Variants in RABGEF1 observed in about 807,000 individuals in gnomAD.
RABGEF1 encodes the protein rab5 GDP/GTP exchange factor.
A neutral mutation model predicts 57.3 loss-of-function variants in RABGEF1; 26 were observed. The ratio of observed to expected loss-of-function variants is 0.45; its 90% confidence interval spans 0.33 to 0.63. RABGEF1 has a LOEUF of 0.63. Among genes scored for constraint, RABGEF1 ranks in the 20% least tolerant of loss-of-function variants. RABGEF1 has a pLI of 0.02. For synonymous variants in RABGEF1, 185 were observed against 210.7 expected (o/e 0.88, Z 1.06); for missense variants, 464 against 607.6 (o/e 0.76, Z 2.48).
At chr7:66,746,790 AT>A (rs35168631) in intron 1 of RABGEF1, among the ~76,000 whole-genome samples, 25 of 145,332 alleles carry the variant, frequency 1.7e-4, no homozygotes, top group Non-Finnish European at 1.2e-4. Context: ...CGTCCGGCTA[AT>A]TTTTTTTTTT....
chr7:66,763,482 A>T (rs962855627), intron 1 of RABGEF1, among the ~76,000 whole-genome samples: 3 of 152,194 alleles, frequency 2.0e-5, no homozygotes, highest in African/African-American at 7.2e-5. Context: ...ACTCTCTCTA[A>T]CTTCACATTC....
At chr7:66,675,281 T>C in the RABGEF1 span, among the ~76,000 whole-genome samples, 1 of 152,018 alleles carries the variant, frequency 6.6e-6, no homozygotes, top group Non-Finnish European at 1.5e-5. Flanking sequence ...AATACAAAAA[T>C]TAGCCAGGCG....
chr7:66,789,822 C>T (rs1227487485), intron 4 of RABGEF1, among the ~76,000 whole-genome samples: 1 of 151,860 alleles, frequency 6.6e-6, no homozygotes, highest in Non-Finnish European at 1.5e-5. Flanking sequence ...GCCGTGGTGG[C>T]TCCATGCGTG....
chr7:66,807,007 TTC>T, intron 8 of RABGEF1, among the ~76,000 whole-genome samples: 1 of 151,914 alleles, frequency 6.6e-6, no homozygotes, highest in East Asian at 1.9e-4. Flanking sequence ...TTGGATTCAG[TTC>T]TTTATCCAAA....
chr7:66,746,115 G>A (rs1366039959), intron 1 of RABGEF1, among the ~76,000 whole-genome samples: 1 of 152,136 alleles, frequency 6.6e-6, no homozygotes, highest in Non-Finnish European at 1.5e-5. Context: ...ATGTAAACAT[G>A]TGAAATAACA....
chr7:66,760,733 C>T (rs1225332364), intron 1 of RABGEF1, among the ~76,000 whole-genome samples: 5 of 151,836 alleles, frequency 3.3e-5, no homozygotes, highest in Non-Finnish European at 7.4e-5. Flanking sequence ...TGAGCCACCG[C>T]ACCCAGCCAG....
At chr7:66,737,865 G>C (rs988406671), upstream of RABGEF1, among the ~76,000 whole-genome samples, 1 of 152,074 alleles carries the variant, frequency 6.6e-6, no homozygotes, top group Non-Finnish European at 1.5e-5. Flanking sequence ...GTGTCAGGAG[G>C]GTCTTCCCTC....
intron 1 of RABGEF1, among the ~76,000 whole-genome samples, chr7:66,766,820 G>A (rs2129098877): frequency 6.6e-6 from 1 of 151,932 alleles, no homozygotes. Flanking sequence ...TGCCTCCCAG[G>A]TCCAAGCGAT....
intron 4 of RABGEF1, among the ~76,000 whole-genome samples, chr7:66,794,207 ATTTTTT>A (rs1174835014): frequency 8.8e-5 from 8 of 91,104 alleles, no homozygotes; most frequent in African/African-American, 1.8e-4. Context: ...TCCATGTTTA[ATTTTTT>A]TTTTTTTTTT....
intron 4 of RABGEF1, among the ~76,000 whole-genome samples, chr7:66,787,165 T>TA (rs1811364130): frequency 6.6e-6 from 1 of 151,798 alleles, no homozygotes; most frequent in African/African-American, 2.4e-5. Flanking sequence ...TAGCTGGGAT[T>TA]ACATGCATGT....
chr7:66,774,809 A>C (rs926447698), intron 2 of RABGEF1, among the ~76,000 whole-genome samples: 2 of 152,092 alleles, frequency 1.3e-5, no homozygotes, highest in Non-Finnish European at 2.9e-5. Flanking sequence ...CCTCACCCAA[A>C]CATCACCGTT....
At chr7:66,720,418 G>A (rs1482594101) in intron 2 of RABGEF1, among the ~76,000 whole-genome samples, 1 of 150,210 alleles carries the variant, frequency 6.7e-6, no homozygotes, top group Non-Finnish European at 1.5e-5. Context: ...GGCTGGTCTC[G>A]AACTCCTAGC....
upstream of RABGEF1, among the ~76,000 whole-genome samples, chr7:66,736,741 A>C (rs1797984717): frequency 6.6e-6 from 1 of 152,124 alleles, no homozygotes; most frequent in South Asian, 2.1e-4. Flanking sequence ...TGCGCCTGTA[A>C]TCCCAGCTAC....
chr7:66,783,519 A>G (rs948916340), intron 3 of RABGEF1, among the ~76,000 whole-genome samples, 156 bp from the exon 4 acceptor site: 3 of 152,250 alleles, frequency 2.0e-5, no homozygotes, highest in Non-Finnish European at 4.4e-5. Flanking sequence ...GTTTACTTTA[A>G]GGAAAGTTGT....
intron 1 of RABGEF1, among the ~76,000 whole-genome samples, chr7:66,705,443 A>AAGAC (rs540794271): frequency 0.054 from 3,601 of 66,412 alleles, 376 homozygotes; most frequent in African/African-American, 0.074. Flanking sequence ...TCTCGAAAGA[A>AAGAC]AGAGAGAGAG....
intron 1 of RABGEF1, among the ~76,000 whole-genome samples, chr7:66,691,387 A>C (rs1184999830): frequency 6.6e-6 from 1 of 152,242 alleles, no homozygotes; most frequent in Non-Finnish European, 1.5e-5. Flanking sequence ...GTCTGTACCC[A>C]GAAGAGTGGA....
At chr7:66,666,660 C>T in the RABGEF1 span, among the ~76,000 whole-genome samples, 2 of 152,204 alleles carry the variant, frequency 1.3e-5, no homozygotes, top group Non-Finnish European at 2.9e-5. Context: ...CCTGGCTGCT[C>T]ACAGCCGGCG....
intron 4 of RABGEF1, among the ~76,000 whole-genome samples, chr7:66,793,242 A>G (rs574488214): frequency 2.0e-5 from 3 of 152,324 alleles, no homozygotes; most frequent in South Asian, 2.1e-4. Context: ...ATATTTACAC[A>G]TATATAAGAT....
At chr7:66,747,330 A>G (rs1437890772) in intron 1 of RABGEF1, among the ~76,000 whole-genome samples, 1 of 152,210 alleles carries the variant, frequency 6.6e-6, no homozygotes, top group Non-Finnish European at 1.5e-5. Flanking sequence ...GAATGTAACA[A>G]GAGTTTTGAG....
Sources: gnomAD v4.1 joint callset for allele counts (sites outside exome capture counted in the v4.1 genomes callset) on GRCh38, gnomAD v4.1.1 for gene constraint, MANE v1.5 for transcripts, NCBI Gene and HGNC (gene_info 2026-07-23, HGNC 2026-07-21) for gene names.